The following TMC5 variants were observed in gnomAD, a reference collection of about 807,000 sequenced individuals.
The protein encoded by TMC5 is transmembrane channel like 5.
TMC5 carries 86 observed loss-of-function variants against 110.5 expected under a neutral mutation model. That is an observed-to-expected ratio of 0.78 (90% CI 0.65 to 0.93). TMC5 has a LOEUF of 0.93. Among genes scored for constraint, TMC5 ranks in the 40% least tolerant of loss-of-function variants. The pLI, the probability that TMC5 is intolerant of heterozygous loss-of-function variation, is 0.00. For synonymous variants in TMC5, 455 were observed against 439.5 expected, an observed-to-expected ratio of 1.04 and a Z score of -0.44; for missense variants, 1,144 against 1,222.8, an observed-to-expected ratio of 0.94 and a Z score of 0.96.
At position 19,487,235 on chromosome 16, in the gene TMC5, C is replaced by T. The variant is rs1313580380; in HGVS notation, c.2482C>T (p.Arg828Trp). ...TTTCCAGCCTCCGAGCAAAGCCTGGCGGGCCTCACAGATGATGACTTTCTT... is the reference window on the plus strand; with the variant it reads ...TTTCCAGCCTCCGAGCAAAGCCTGGTGGGCCTCACAGATGATGACTTTCTT... ...MNFQPPSKAW[R>W]ASQMMTFFIF... Residue 828 changes from arginine (R) to tryptophan (W), a missense_variant, in exon 17 of 22, where the codon CGG becomes TGG. Arg to Trp is a moderately radical substitution (Grantham distance 101, BLOSUM62 -3). Transcript: ENST00000542583. 8.7e-6 allele frequency: 14 copies of T among 1,613,828 alleles called. No homozygotes were observed. Among genetic ancestry groups the T allele is most frequent in the South Asian group, 6.6e-5 (6 of 91,044 alleles).
chr16:19,478,779 CATCT>C (rs1161469197), intron 13 of TMC5, among the ~76,000 whole-genome samples: 3 of 151,908 alleles, frequency 2.0e-5, no homozygotes, highest in African/African-American at 7.3e-5. Context: ...TCTATATACC[CATCT>C]ATCCACTCAT....
rs927671092 is a variant in TMC5 at position 19,492,054 on chromosome 16, C to A, written c.2748-96C>A. The A allele has an allele frequency of 1.4e-5, 14 of 972,844 alleles. No individual in the cohort carries two copies. In the African/African-American group the frequency reaches 1.9e-4, roughly 13 times the overall value. 60.3% of individuals were successfully genotyped at this position (972,844 alleles called of 1,614,324 possible). A position where few individuals can be genotyped will look rare whatever the true frequency, so the allele number is the denominator to read the frequency against. On this transcript the variant is annotated intron_variant, in intron 18 of 21. Transcript: ENST00000542583. ...AGAAACATGTTTGGGCCAAATCCAT[C>A]TGCAAGCACAGATTCCAGTTCCTTT...
At chr16:19,473,156 G>A (rs1245079879) in intron 11 of TMC5, among the ~76,000 whole-genome samples, 1 of 151,832 alleles carries the variant, frequency 6.6e-6, no homozygotes, top group Non-Finnish European at 1.5e-5. Flanking sequence ...GACTAGCCTG[G>A]CCAACATGGT....
rs771243051 is a variant in TMC5, at chr16:19,490,439, T to C, written c.2618T>C (p.Leu873Pro). 2 of 1,614,182 alleles carry C rather than the reference T, an allele frequency of 1.2e-6. No homozygotes were observed. The highest frequency in any genetic ancestry group is 1.7e-5 in the Admixed American group (1 of 60,012). ...ADCGPFRGLP[L>P]FIHSIYSWID... is the part of the protein sequence containing the mutation. The stretch of plus-strand genomic sequence containing the variant: ...TGTGGCCCTTTTCGAGGTCTGCCTC[T>C]CTTCATTCACTCCATCTACAGCTGG... Residue 873 changes from leucine (L) to proline (P), a missense_variant, in exon 18 of 22, where the codon CTC (leucine) becomes CCC (proline). Transcript: ENST00000542583.
chr16:19,435,429 G>A (rs1434806480), intron 2 of TMC5, among the ~76,000 whole-genome samples: 1 of 151,988 alleles, frequency 6.6e-6, no homozygotes, highest in African/African-American at 2.4e-5. Flanking sequence ...GTGAACCCGG[G>A]AGGCAGAGGT....
intron 9 of TMC5, 68 bp downstream of exon 9, chr16:19,466,301 C>A: frequency 6.4e-7 from 1 of 1,557,002 alleles, no homozygotes; most frequent in South Asian, 1.2e-5. Context: ...CCAAGAAATT[C>A]AAAAATTACC....
At chr16:19,481,661 T>G (rs1020578487) in intron 15 of TMC5, among the ~76,000 whole-genome samples, 196 bp downstream of exon 15, 2 of 152,198 alleles carry the variant, frequency 1.3e-5, no homozygotes, top group East Asian at 3.8e-4. Flanking sequence ...CAGACAAGAA[T>G]CAGCATAGAG....
In TMC5 at chr16:19,456,169, T is replaced by C. The variant is rs1211939932; in HGVS notation, c.1049-4066T>C. ...TTACAGTGAGCTGAGATCGCGCCAC[T>C]GCACTCCAGCCTGGGTGACATAGCG... On this transcript the variant is annotated intron_variant, in intron 5 of 21. Coordinates refer to ENST00000542583, the MANE Select transcript of TMC5 (RefSeq NM_001261841.2). Among the ~76,000 whole-genome samples the C allele has an allele frequency of 2.0e-5, 3 of 151,728 alleles. 1 individual carries two copies. Among genetic ancestry groups the C allele is most frequent in the Admixed American group, 2.0e-4 (3 of 15,198 alleles).
chr16:19,463,034 G>A (rs1968067852), intron 6 of TMC5, among the ~76,000 whole-genome samples: 1 of 152,062 alleles, frequency 6.6e-6, no homozygotes, highest in East Asian at 1.9e-4. Flanking sequence ...CACAGCCTCT[G>A]GAGTAGCTGG....
intron 3 of TMC5, among the ~76,000 whole-genome samples, chr16:19,442,645 A>C (rs1567304404): frequency 1.3e-5 from 2 of 152,160 alleles, no homozygotes; most frequent in African/African-American, 4.8e-5. Flanking sequence ...GTGATTTTTT[A>C]AAGTCAGTTT....
chr16:19,494,278 T>C lies in TMC5; in HGVS notation c.2843T>C (p.Met948Thr). ...TCTTGGTAGGAGGGCAAAGATAAAA[T>C]GTTCCTGATAGAAAAATTGATCAAG... ...EQIINEGKDK[M>T]FLIEKLIKLQ... Residue 948 changes from methionine (M) to threonine (T), a missense_variant, in exon 20 of 22, where the codon ATG becomes ACG. Transcript: ENST00000542583. 6.2e-7 allele frequency: 1 copy of C among 1,612,428 alleles called. No homozygotes were observed. Among genetic ancestry groups the C allele is most frequent in the Non-Finnish European group, 8.5e-7 (1 of 1,179,254 alleles).
Position 19,494,374 on chromosome 16 carries a change from T to C in TMC5, c.2931+8T>C. 2.5e-6 allele frequency: 4 copies of C among 1,610,580 alleles called. No homozygotes were observed. The highest frequency in any genetic ancestry group is 3.4e-6 in the Non-Finnish European group (4 of 1,177,956). On this transcript the variant is annotated splice_region_variant and intron_variant, in intron 20 of 21. Coordinates refer to ENST00000542583, the MANE Select transcript of TMC5 (RefSeq NM_001261841.2). ...GAAAGGAGAGAGGTGGAGGTGAGTC[T>C]GGAGGCTGCCTTGGGGACCCCTGGG...
rs369469002 is a variant in TMC5 at position 19,479,517 on chromosome 16, G to T, written c.2256G>T (p.Glu752Asp). 46 of 1,612,212 alleles carry T rather than the reference G, an allele frequency of 2.9e-5. No individual in the cohort carries two copies. The highest frequency in any genetic ancestry group is 3.9e-5 in the Non-Finnish European group (46 of 1,178,442). ...VFSLVNSFLG[E>D]FLRRIIGMQL... ...CTTTAGTCAATTCCTTCCTGGGGGA[G>T]TTTCTGAGGAGGTAAATATTTGCCA... is the stretch of plus-strand genomic sequence containing the variant. Residue 752 changes from glutamate (E) to aspartate (D), a missense_variant, in exon 14 of 22, where the codon GAG becomes GAT. Coordinates refer to ENST00000542583, the MANE Select transcript of TMC5 (RefSeq NM_001261841.2).
intron 1 of TMC5, among the ~76,000 whole-genome samples, chr16:19,427,810 G>A (rs193083703): frequency 4.6e-5 from 7 of 151,428 alleles, no homozygotes; most frequent in African/African-American, 7.3e-5. Context: ...AGGCAAAGTC[G>A]CCCCCACTTG....
At chr16:19,431,456 C>T (rs1312559311) in intron 2 of TMC5, among the ~76,000 whole-genome samples, 1 of 151,364 alleles carries the variant, frequency 6.6e-6, no homozygotes, top group Non-Finnish European at 1.5e-5. Flanking sequence ...GCAGGAGACT[C>T]GCTTGAACCC....
intron 5 of TMC5, among the ~76,000 whole-genome samples, chr16:19,457,624 T>C (rs1214639727): frequency 6.7e-6 from 1 of 148,452 alleles, no homozygotes; most frequent in African/African-American, 2.4e-5. Context: ...GTTTGCTTGA[T>C]GAGGAAACTG....
intron 8 of TMC5, among the ~76,000 whole-genome samples, chr16:19,464,479 C>T (rs529401148): frequency 1.3e-5 from 2 of 152,284 alleles, no homozygotes; most frequent in South Asian, 4.1e-4. Flanking sequence ...ATACACACAT[C>T]GTAGTAGAAT....
chr16:19,411,729 G>A (rs2285047), intron 1 of TMC5: 79,660 of 151,216 alleles, frequency 0.53, 22,527 homozygotes, highest in South Asian at 0.72. Context: ...AGAAGGGTAG[G>A]ATTTTTTTTG....
Position 19,434,395 on chromosome 16 carries a change from AAT to A in TMC5, c.-80+3764_-80+3765del, listed in dbSNP as rs1461940504. On this transcript the variant is annotated intron_variant, in intron 2 of 21. Transcript: ENST00000542583. ...ATAGATCTATATATAATATAGATATAATATATATATCATATATATCTATATAT... is the reference window on the plus strand; with the variant it reads ...ATAGATCTATATATAATATAGATATAATATATATCATATATATCTATATAT... Among the ~76,000 whole-genome samples, 6 of 6,774 alleles carry A rather than the reference AAT, an allele frequency of 8.9e-4. 2 individuals carry two copies. The highest frequency in any genetic ancestry group is 0.028 in the South Asian group (2 of 72). 4.4% of individuals were successfully genotyped at this position (6,774 alleles called of 152,430 possible).
Sources: allele counts gnomAD v4.1 joint callset (sites outside exome capture counted in the v4.1 genomes callset), GRCh38; gene constraint gnomAD v4.1.1; transcripts MANE v1.5; gene names NCBI Gene and HGNC (gene_info 2026-07-23, HGNC 2026-07-21).